CNTN4: variants seen among roughly 807,000 people sequenced by gnomAD.
The protein encoded by CNTN4 is contactin 4.
A neutral mutation model predicts 122.5 loss-of-function variants in CNTN4; 77 were observed. That is an observed-to-expected ratio of 0.63 (90% confidence interval 0.52 to 0.76). The LOEUF (loss-of-function observed/expected upper bound fraction) is 0.76, where lower values mean the gene tolerates loss of function less well. Ranked by LOEUF, CNTN4 falls within the 30% of genes least tolerant of loss-of-function variation. The pLI, the probability that CNTN4 is intolerant of heterozygous loss-of-function variation, is 0.00. For synonymous variants in CNTN4, 512 were observed against 447.0 expected, an observed-to-expected ratio of 1.15 and a Z score of -1.83; for missense variants, 1,256 against 1,259.1, an observed-to-expected ratio of 1.00 and a Z score of 0.04.
intron 2 of CNTN4, among the ~76,000 whole-genome samples, chr3:2,211,662 G>T (rs1187657626): frequency 1.3e-5 from 2 of 152,040 alleles, no homozygotes; most frequent in African/African-American, 2.4e-5. Flanking sequence ...TCCTCACATT[G>T]AATTTAAATT....
At chr3:2,784,271 G>A (rs1250788843) in intron 6 of CNTN4, among the ~76,000 whole-genome samples, 3 of 152,198 alleles carry the variant, frequency 2.0e-5, no homozygotes, top group African/African-American at 7.2e-5. Context: ...TGGAGCTCAT[G>A]TGTTCTCCCT....
chr3:2,384,283 C>T (rs1438901471), intron 3 of CNTN4, among the ~76,000 whole-genome samples: 1 of 152,154 alleles, frequency 6.6e-6, no homozygotes, highest in Admixed American at 6.5e-5. Context: ...TTCACTACTT[C>T]TGAGCACCTG....
At chr3:2,731,209 G>A (rs981793764) in intron 4 of CNTN4, among the ~76,000 whole-genome samples, 2 of 151,988 alleles carry the variant, frequency 1.3e-5, no homozygotes, top group Non-Finnish European at 2.9e-5. Context: ...CCTTGTTTCT[G>A]GTCATGAAAT....
At chr3:2,334,410 C>T (rs1010071906) in intron 2 of CNTN4, among the ~76,000 whole-genome samples, 9 of 152,148 alleles carry the variant, frequency 5.9e-5, no homozygotes, top group East Asian at 1.9e-4. Context: ...CTGCCCCCTT[C>T]GGCCTTCCAA....
chr3:3,010,862 A>G (rs1046455728), intron 14 of CNTN4, among the ~76,000 whole-genome samples: 12 of 152,154 alleles, frequency 7.9e-5, no homozygotes, highest in African/African-American at 2.2e-4. Context: ...TAACATGATA[A>G]GCATTCTAAA....
intron 4 of CNTN4, among the ~76,000 whole-genome samples, chr3:2,705,361 C>A (rs1214494078): frequency 7.4e-6 from 1 of 134,260 alleles, no homozygotes; most frequent in Admixed American, 8.0e-5. Context: ...TAGCCAGACT[C>A]CGTCTCAAAA....
chr3:2,913,010 G>T (rs1358188362), intron 12 of CNTN4, among the ~76,000 whole-genome samples: 3 of 152,116 alleles, frequency 2.0e-5, no homozygotes, highest in African/African-American at 7.2e-5. Flanking sequence ...AGTTTAGCTG[G>T]ATGTGGTGGC....
intron 7 of CNTN4, among the ~76,000 whole-genome samples, chr3:2,832,922 T>G (rs867997588): frequency 7.3e-5 from 11 of 151,436 alleles, no homozygotes; most frequent in African/African-American, 2.7e-4. Flanking sequence ...AGTCATAGAG[T>G]TAAATAAAAA....
At chr3:2,611,021 C>G (rs539878971) in intron 4 of CNTN4, among the ~76,000 whole-genome samples, 2 of 152,048 alleles carry the variant, frequency 1.3e-5, no homozygotes, top group African/African-American at 4.8e-5. Flanking sequence ...TATAACAATA[C>G]TTCCATTATA....
chr3:3,040,431 T>C, intron 20 of CNTN4, 160 bp downstream of exon 20: 1 of 670,640 alleles, frequency 1.5e-6, no homozygotes, highest in Non-Finnish European at 2.7e-6. Flanking sequence ...CTGTCCACCA[T>C]GAATCTCTTG....
intron 2 of CNTN4, chr3:2,132,382 C>T (rs1032846300): frequency 2.0e-5 from 3 of 152,182 alleles, no homozygotes; most frequent in African/African-American, 7.2e-5. Flanking sequence ...GGGCAATAAT[C>T]CACGGTAATA....
At chr3:2,855,980 T>C (rs2093614170) in intron 7 of CNTN4, among the ~76,000 whole-genome samples, 1 of 152,192 alleles carries the variant, frequency 6.6e-6, no homozygotes, top group Admixed American at 6.5e-5. Context: ...TTCAGTGAAT[T>C]TGATTTACCA....
intron 2 of CNTN4, among the ~76,000 whole-genome samples, chr3:2,242,289 A>G (rs2039972193): frequency 1.3e-5 from 2 of 152,128 alleles, no homozygotes; most frequent in Non-Finnish European, 2.9e-5. Flanking sequence ...CATAGAATGT[A>G]CTATATGCAT....
At chr3:2,762,097 C>T (rs1312552591) in intron 6 of CNTN4, among the ~76,000 whole-genome samples, 1 of 152,128 alleles carries the variant, frequency 6.6e-6, no homozygotes, top group Non-Finnish European at 1.5e-5. Flanking sequence ...GAACAAGTAA[C>T]CTCAAGTGTG....
At chr3:2,523,356 T>TAAAA (rs67485307) in intron 3 of CNTN4, among the ~76,000 whole-genome samples, 31 of 119,990 alleles carry the variant, frequency 2.6e-4, no homozygotes, top group African/African-American at 7.4e-4. Flanking sequence ...CAAGAGACCT[T>TAAAA]AAAAAAAAAA....
At chr3:2,388,130 C>A (rs998473322) in intron 3 of CNTN4, among the ~76,000 whole-genome samples, 1 of 152,136 alleles carries the variant, frequency 6.6e-6, no homozygotes, top group Non-Finnish European at 1.5e-5. Flanking sequence ...TGTGTTTTGT[C>A]TGCAGAAGGT....
chr3:2,961,787 A>G (rs2094862391), intron 13 of CNTN4, among the ~76,000 whole-genome samples: 1 of 152,212 alleles, frequency 6.6e-6, no homozygotes, highest in Non-Finnish European at 1.5e-5. Flanking sequence ...GCCATGGTGC[A>G]ATGCTTTGAG....
At chr3:2,831,373 T>G (rs2093101155) in intron 7 of CNTN4, among the ~76,000 whole-genome samples, 1 of 152,220 alleles carries the variant, frequency 6.6e-6, no homozygotes, top group Non-Finnish European at 1.5e-5. Context: ...TGCAGATATA[T>G]AGAATAAATA....
chr3:2,460,903 A>C (rs1033806150), intron 3 of CNTN4, among the ~76,000 whole-genome samples: 2 of 149,312 alleles, frequency 1.3e-5, no homozygotes, highest in African/African-American at 2.5e-5. Flanking sequence ...GAGAGTTCTC[A>C]TGTAGCTTCC....
Sources: gnomAD v4.1 joint callset for allele counts (sites outside exome capture counted in the v4.1 genomes callset) on GRCh38, gnomAD v4.1.1 for gene constraint, MANE v1.5 for transcripts, NCBI Gene and HGNC (gene_info 2026-07-23, HGNC 2026-07-21) for gene names.